NELL2: variants seen among roughly 807,000 people sequenced by gnomAD.
NELL2 encodes neural EGFL like 2.
A neutral mutation model predicts 109.6 loss-of-function variants in NELL2; 41 were observed. That is an observed-to-expected ratio of 0.37 (90% CI 0.29 to 0.49). The LOEUF (loss-of-function observed/expected upper bound fraction) is 0.49. NELL2 is among the 20% of genes least tolerant of loss of function. The pLI is 0.98. For synonymous variants in NELL2, 355 were observed against 344.7 expected (o/e 1.03, Z -0.33); for missense variants, 900 against 1,008.3 (o/e 0.89, Z 1.45).
At chr12:44,891,889 T>C (rs1418351050) in intron 1 of NELL2, among the ~76,000 whole-genome samples, 3 of 152,248 alleles carry the variant, frequency 2.0e-5, no homozygotes, top group Non-Finnish European at 2.9e-5. Flanking sequence ...CAGAACAATA[T>C]GTTTTGCTAA....
intron 2 of NELL2, among the ~76,000 whole-genome samples, chr12:44,844,499 A>C (rs1944316477): frequency 6.6e-6 from 1 of 152,206 alleles, no homozygotes; most frequent in African/African-American, 2.4e-5. Flanking sequence ...AAACTAAGCA[A>C]TTGTAAAAAT....
chr12:44,648,900 T>TTGTG (rs563769057), intron 13 of NELL2, among the ~76,000 whole-genome samples: 8,790 of 107,040 alleles, frequency 0.082, 404 homozygotes, highest in Middle Eastern at 0.12. Context: ...CACGCCCAGC[T>TTGTG]TGTGTGTGTG....
intron 15 of NELL2, among the ~76,000 whole-genome samples, chr12:44,540,067 A>G (rs1378402150): frequency 6.6e-6 from 1 of 152,240 alleles, no homozygotes; most frequent in Non-Finnish European, 1.5e-5. Context: ...TAGATGGAGT[A>G]CAATAGGTGA....
intron 2 of NELL2, among the ~76,000 whole-genome samples, chr12:44,845,898 A>G (rs929049557): frequency 6.6e-6 from 1 of 152,190 alleles, no homozygotes; most frequent in Non-Finnish European, 1.5e-5. Flanking sequence ...TGTACATTTT[A>G]TTGGACTGCC....
chr12:44,913,155 A>G (rs1265125258), intron 1 of NELL2, among the ~76,000 whole-genome samples: 3 of 152,106 alleles, frequency 2.0e-5, no homozygotes, highest in Admixed American at 6.6e-5. Flanking sequence ...ACTCTGGGAA[A>G]TTTTTGTAAT....
intron 2 of NELL2, among the ~76,000 whole-genome samples, chr12:44,852,644 T>C (rs1054498643): frequency 2.6e-5 from 4 of 152,216 alleles, no homozygotes; most frequent in African/African-American, 9.6e-5. Context: ...CTTCACCCTC[T>C]GACTTTACTA....
intron 12 of NELL2, among the ~76,000 whole-genome samples, chr12:44,682,739 T>C (rs688669): frequency 0.58 from 88,677 of 151,854 alleles, 26,532 homozygotes; most frequent in East Asian, 0.73. Context: ...AGATATGCGG[T>C]GTTATTTCTG....
chr12:44,678,479 CACA>C (rs1055218145), intron 12 of NELL2, among the ~76,000 whole-genome samples: 10 of 151,976 alleles, frequency 6.6e-5, no homozygotes, highest in Admixed American at 5.9e-4. Context: ...AGTGAACGTT[CACA>C]ACATTTATGT....
rs565600806 is a variant in NELL2 at position 44,769,848 on chromosome 12, C to T, written c.994+4899G>A. Among the ~76,000 whole-genome samples, 12 of 152,038 alleles carry T rather than the reference C, an allele frequency of 7.9e-5. No homozygotes were observed. In the South Asian group the frequency reaches 2.5e-3, roughly 32 times the overall value. On this transcript the variant is annotated intron_variant, in intron 9 of 19. Coordinates refer to ENST00000429094, the MANE Select transcript of NELL2 (RefSeq NM_001145108.2). ...ATGAGATGCAGCTACATTTTTGACC[C>T]GCATCAGAAATATGGATGAGCCTCA...
At chr12:44,513,237 TG>T (rs1031137584) in intron 19 of NELL2, among the ~76,000 whole-genome samples, 1 of 151,960 alleles carries the variant, frequency 6.6e-6, no homozygotes, top group African/African-American at 2.4e-5. Context: ...CCCCCCTAAC[TG>T]GTGTAAAGCC....
intron 9 of NELL2, among the ~76,000 whole-genome samples, chr12:44,742,941 A>G (rs958503147): frequency 1.1e-4 from 17 of 152,168 alleles, no homozygotes; most frequent in Non-Finnish European, 2.9e-5. Context: ...GATTCAGGAA[A>G]TATAGAGAAC....
intron 3 of NELL2, among the ~76,000 whole-genome samples, chr12:44,791,086 T>C (rs55709710): frequency 0.67 from 36,115 of 53,626 alleles, 11,458 homozygotes; most frequent in Middle Eastern, 0.79. Flanking sequence ...TATATACATA[T>C]ATATATATAT....
rs1391576490 is a variant in NELL2, at chr12:44,564,709, T to C, written c.1664-31988A>G. Among the ~76,000 whole-genome samples, 5 of 152,234 alleles carry C rather than the reference T, an allele frequency of 3.3e-5. No individual in the cohort carries two copies. In the South Asian group the frequency reaches 8.3e-4, roughly 25 times the overall value. On this transcript the variant is annotated intron_variant, in intron 15 of 19. Transcript: ENST00000429094. ...GAATCTATTCATTTATTATTTTAGA[T>C]ACAAGGAGTACATCTAGGTTGTGTT...
At chr12:44,897,157 A>C (rs1441811976) in intron 1 of NELL2, among the ~76,000 whole-genome samples, 1 of 152,150 alleles carries the variant, frequency 6.6e-6, no homozygotes, top group East Asian at 1.9e-4. Flanking sequence ...TCATCTACTG[A>C]GGTTAGTAGA....
intron 2 of NELL2, among the ~76,000 whole-genome samples, chr12:44,832,599 T>C (rs1222577573): frequency 1.3e-5 from 2 of 152,218 alleles, no homozygotes; most frequent in African/African-American, 4.8e-5. Flanking sequence ...AAAGAGCATA[T>C]TGTCTGCCCA....
At chr12:44,557,623 A>C (rs11831885) in intron 15 of NELL2, among the ~76,000 whole-genome samples, 16,230 of 152,166 alleles carry the variant, frequency 0.11, 2,916 homozygotes, top group African/African-American at 0.37. Context: ...CTACGTTGAG[A>C]TTTTAGTGTT....
chr12:44,514,506 A>G (rs994285280), intron 19 of NELL2, among the ~76,000 whole-genome samples: 5 of 151,718 alleles, frequency 3.3e-5, no homozygotes, highest in Non-Finnish European at 5.9e-5. Context: ...TTTTTATTAC[A>G]GTATATTATT....
At chr12:44,832,311 T>A (rs1943914067) in intron 2 of NELL2, among the ~76,000 whole-genome samples, 1 of 152,184 alleles carries the variant, frequency 6.6e-6, no homozygotes, top group African/African-American at 2.4e-5. Context: ...AACAATGTGA[T>A]AAGAGGCTTA....
At chr12:44,847,929 G>A (rs1036335946) in intron 2 of NELL2, among the ~76,000 whole-genome samples, 36 of 151,614 alleles carry the variant, frequency 2.4e-4, no homozygotes, top group African/African-American at 8.7e-4. Flanking sequence ...GTACTCGGGA[G>A]GCTGAGGTTC....
Sources: gnomAD v4.1 joint callset for allele counts (sites outside exome capture counted in the v4.1 genomes callset) on GRCh38, gnomAD v4.1.1 for gene constraint, MANE v1.5 for transcripts, NCBI Gene and HGNC (gene_info 2026-07-23, HGNC 2026-07-21) for gene names.